GRIN2A: variants seen among roughly 807,000 people sequenced by gnomAD.
The protein encoded by GRIN2A is glutamate ionotropic receptor NMDA type subunit 2A.
GRIN2A carries 22 observed loss-of-function variants against 113.4 expected under a neutral mutation model. The observed-to-expected ratio is 0.19, with a 90% confidence interval of 0.14 to 0.28. The LOEUF is 0.28. Ranked by LOEUF, GRIN2A falls within the 10% of genes least tolerant of loss-of-function variation. The pLI is 1.00. For missense variants in GRIN2A, 1,502 were observed against 1,887.0 expected (o/e 0.80, Z 3.78); for synonymous variants, 827 against 738.4 (o/e 1.12, Z -1.94).
In GRIN2A at chr16:9,914,905, CTTTTTTTTTTTTTTTTTTTTTTTT is replaced by C. The variant is rs869182389; in HGVS notation, c.1007+23030_1007+23053del. Among the ~76,000 whole-genome samples, 306 of 33,472 alleles carry C rather than the reference CTTTTTTTTTTTTTTTTTTTTTTTT, an allele frequency of 9.1e-3. 4 individuals carry two copies. The highest frequency in any genetic ancestry group is 0.022 in the African/African-American group (225 of 10,226). 22.0% of individuals were successfully genotyped at this position (33,472 alleles called of 152,430 possible). A position where few individuals can be genotyped will look rare whatever the true frequency, so the allele number is the denominator to read the frequency against. ...TATTTACAGCCTATTGATTATGCAG[CTTTTTTTTTTTTTTTTTTTTTTTT>C]TTTTTTTTTTTTTTTTTTTTTTAAT... On this transcript the variant is annotated intron_variant, in intron 3 of 12. Transcript: ENST00000330684.
rs773244936 is a variant in GRIN2A, at chr16:9,764,406, T to C, written c.3138A>G (p.Leu1046=). The change falls in exon 13 of 13, where the codon CTA becomes CTG. Residue 1046 remains leucine, a synonymous_variant. Transcript: ENST00000330684. The part of the protein sequence containing the change: ...EATAENRTHS[L]KSPRYLPEEM... ...CTTCTGGAAGATACCTAGGGCTCTT[T>C]AGGGAGTGGGTCCTATTCTCTGCTG... is the stretch of plus-strand genomic sequence containing the variant. The C allele has an allele frequency of 2.2e-5, 36 of 1,614,026 alleles. No homozygotes were observed. Among genetic ancestry groups the C allele is most frequent in the Admixed American group, 3.3e-5 (2 of 60,000 alleles).
In GRIN2A at chr16:10,180,325, C is replaced by T; in HGVS notation, c.87G>A (p.Lys29=). ...CCGCAATATTTAGCGCGGGGGGACC[C>T]TTCTCCGCCGCCGCGCTCGGCGCCG... ...RGPAPSAAAE[K]GPPALNIAVM... is the part of the protein sequence containing the mutation. The change falls in exon 2 of 13, where the codon AAG becomes AAA. Residue 29 remains lysine, a synonymous_variant. Transcript: ENST00000330684. The surrounding 1 kb of genome is among the most constrained non-coding windows in gnomAD (Gnocchi z 7.0). 1 of 1,610,078 alleles carries T rather than the reference C, an allele frequency of 6.2e-7. No homozygotes were observed. The highest frequency in any genetic ancestry group is 8.5e-7 in the Non-Finnish European group (1 of 1,179,914).
At chr16:10,141,254 G>A (rs141491566) in intron 2 of GRIN2A, among the ~76,000 whole-genome samples, 5 of 152,184 alleles carry the variant, frequency 3.3e-5, no homozygotes, top group African/African-American at 1.2e-4. Flanking sequence ...ACTTTGGGAG[G>A]ATAAGGTGGG....
chr16:10,076,296 G>A (rs2047871209), intron 2 of GRIN2A, among the ~76,000 whole-genome samples: 1 of 152,132 alleles, frequency 6.6e-6, no homozygotes, highest in Non-Finnish European at 1.5e-5. Flanking sequence ...ACAGGATCCA[G>A]TGGGCCTTGA....
intron 10 of GRIN2A, among the ~76,000 whole-genome samples, chr16:9,818,577 T>C (rs1221310988): frequency 2.0e-5 from 3 of 151,136 alleles, no homozygotes; most frequent in African/African-American, 7.3e-5. Flanking sequence ...CTGTCCAATA[T>C]ATAAATTAAT....
chr16:9,955,430 G>A (rs186382693), intron 2 of GRIN2A, among the ~76,000 whole-genome samples: 4 of 152,038 alleles, frequency 2.6e-5, no homozygotes, highest in South Asian at 2.1e-4. Context: ...ATACCCTCAC[G>A]GATTAGGCAA....
chr16:10,118,209 T>C (rs2048765223), intron 2 of GRIN2A, among the ~76,000 whole-genome samples: 1 of 152,182 alleles, frequency 6.6e-6, no homozygotes, highest in Admixed American at 6.5e-5. Flanking sequence ...TTGTTATATA[T>C]CTGTATTCAG....
At chr16:10,036,565 G>A (rs1596449527) in intron 2 of GRIN2A, among the ~76,000 whole-genome samples, 2 of 142,504 alleles carry the variant, frequency 1.4e-5, no homozygotes. Context: ...CTCATCCTCT[G>A]GAGTAGCTGG....
intron 11 of GRIN2A, among the ~76,000 whole-genome samples, chr16:9,795,811 G>C (rs1902949096): frequency 6.6e-6 from 1 of 152,204 alleles, no homozygotes; most frequent in Non-Finnish European, 1.5e-5. Context: ...TGGGACAGTA[G>C]ATTTAGTTCA....
At chr16:9,780,554 T>TG (rs371640099) in intron 11 of GRIN2A, among the ~76,000 whole-genome samples, 13 of 152,308 alleles carry the variant, frequency 8.5e-5, no homozygotes, top group African/African-American at 2.6e-4. Context: ...TGATTACTTG[T>TG]GGGGGGCATA....
At chr16:9,839,290 T>C (rs967348500) in intron 7 of GRIN2A, among the ~76,000 whole-genome samples, 2 of 152,098 alleles carry the variant, frequency 1.3e-5, no homozygotes, top group African/African-American at 4.8e-5. Flanking sequence ...CTATGTTCCA[T>C]GAAATTTCAA....
chr16:9,902,321 C>T lies in GRIN2A; in HGVS notation c.1008-11221G>A, dbSNP rs138353269. Among the ~76,000 whole-genome samples the T allele has an allele frequency of 7.8e-3, 1,193 of 152,262 alleles. 5 individuals are homozygous for T. Among genetic ancestry groups the T allele is most frequent in the Non-Finnish European group, 0.012 (807 of 68,010 alleles). ...GTGAGCCCGTCTTTGTTCCTTCCTCCTTCCTTCTAGTTGCAATGCAGATAT... is the reference window on the plus strand; with the variant it reads ...GTGAGCCCGTCTTTGTTCCTTCCTCTTTCCTTCTAGTTGCAATGCAGATAT... On this transcript the variant is annotated intron_variant, in intron 3 of 12. Transcript: ENST00000330684.
chr16:9,976,424 G>T (rs891284218), intron 2 of GRIN2A, among the ~76,000 whole-genome samples: 6 of 152,176 alleles, frequency 3.9e-5, no homozygotes, highest in African/African-American at 1.4e-4. Context: ...ACAAGTTGCT[G>T]CCAGATCCCG....
chr16:9,816,145 T>C (rs770621832), intron 10 of GRIN2A, among the ~76,000 whole-genome samples: 1 of 151,992 alleles, frequency 6.6e-6, no homozygotes, highest in Non-Finnish European at 1.5e-5. Flanking sequence ...GGATAGAGAG[T>C]TGCAGTTTTA....
chr16:10,093,433 G>A (rs1465174017), intron 2 of GRIN2A, among the ~76,000 whole-genome samples: 3 of 152,136 alleles, frequency 2.0e-5, no homozygotes, highest in Non-Finnish European at 4.4e-5. Context: ...AGGAGGGGCT[G>A]GGCCTCCATA....
intron 2 of GRIN2A, among the ~76,000 whole-genome samples, chr16:10,045,639 G>T (rs1404486621): frequency 1.3e-5 from 2 of 152,230 alleles, no homozygotes; most frequent in Non-Finnish European, 2.9e-5. Flanking sequence ...TCTGGCCATG[G>T]CACTGTCTGA....
At chr16:10,128,687 T>A (rs973859017) in intron 2 of GRIN2A, among the ~76,000 whole-genome samples, 2 of 152,220 alleles carry the variant, frequency 1.3e-5, no homozygotes, top group Admixed American at 1.3e-4. Context: ...CCCTCCTTTA[T>A]AAATATCTTT....
chr16:9,921,109 AC>A (rs1433496208), intron 3 of GRIN2A, among the ~76,000 whole-genome samples: 1 of 152,228 alleles, frequency 6.6e-6, no homozygotes, highest in African/African-American at 2.4e-5. Flanking sequence ...CCCAGGAAAG[AC>A]TAGCTTCTCC....
At chr16:9,947,383 G>C (rs141102662) in intron 2 of GRIN2A, among the ~76,000 whole-genome samples, 2 of 152,212 alleles carry the variant, frequency 1.3e-5, no homozygotes, top group Non-Finnish European at 2.9e-5. Flanking sequence ...TTCCAGCAAA[G>C]AGAAAAAGCA....
Sources: allele counts gnomAD v4.1 joint callset (sites outside exome capture counted in the v4.1 genomes callset), GRCh38; gene constraint gnomAD v4.1.1; non-coding constraint Gnocchi (gnomAD v3.1); transcripts MANE v1.5; gene names NCBI Gene and HGNC (gene_info 2026-07-23, HGNC 2026-07-21).